CNTN1: variants seen among roughly 807,000 people sequenced by gnomAD.
CNTN1 encodes the protein contactin 1, also known as contactin-1.
Under a neutral mutation model 126.4 loss-of-function variants are expected in CNTN1, and 38 were observed. The observed-to-expected ratio is 0.30, with a 90% CI of 0.23 to 0.39. The LOEUF (loss-of-function observed/expected upper bound fraction) is 0.39, where lower values mean the gene tolerates loss of function less well. Among genes scored for constraint, CNTN1 ranks in the 10% least tolerant of loss-of-function variants. CNTN1 has a pLI of 1.00. For synonymous variants in CNTN1, 413 were observed against 422.6 expected (o/e 0.98, Z 0.28); for missense variants, 1,009 against 1,248.4 (o/e 0.81, Z 2.89).
intron 1 of CNTN1, among the ~76,000 whole-genome samples, chr12:40,788,758 A>G (rs1454232495): frequency 6.6e-6 from 1 of 152,062 alleles, no homozygotes; most frequent in African/African-American, 2.4e-5. Flanking sequence ...AAGTAAAGTG[A>G]CTGTTTAAAG....
intron 1 of CNTN1, among the ~76,000 whole-genome samples, chr12:40,760,563 C>G (rs1440936804): frequency 6.6e-6 from 1 of 151,690 alleles, no homozygotes; most frequent in Non-Finnish European, 1.5e-5. Context: ...AACTGCTGTT[C>G]GCAGTGTGGC....
chr12:40,924,047 T>C (rs1380122094), intron 5 of CNTN1, among the ~76,000 whole-genome samples: 2 of 152,166 alleles, frequency 1.3e-5, no homozygotes, highest in Non-Finnish European at 2.9e-5. Flanking sequence ...AACCCAGAAT[T>C]TGAGAAGGAG....
chr12:40,696,769 CTTA>C (rs933793309), intron 1 of CNTN1, among the ~76,000 whole-genome samples: 8 of 152,142 alleles, frequency 5.3e-5, no homozygotes, highest in Admixed American at 5.2e-4. Context: ...AAAATAATAT[CTTA>C]TTATTATAAG....
intron 1 of CNTN1, among the ~76,000 whole-genome samples, chr12:40,761,376 T>A (rs1477288959): frequency 1.3e-5 from 2 of 152,128 alleles, no homozygotes; most frequent in Non-Finnish European, 1.5e-5. Context: ...GATTTGTTCT[T>A]CTACCAATCT....
chr12:40,698,634 G>A (rs1273242231), intron 1 of CNTN1, among the ~76,000 whole-genome samples: 1 of 151,918 alleles, frequency 6.6e-6, no homozygotes, highest in East Asian at 1.9e-4. Context: ...CCTCATAGTC[G>A]CCTTCTTCTA....
At chr12:40,810,926 C>T (rs1047381354) in intron 1 of CNTN1, among the ~76,000 whole-genome samples, 1 of 152,120 alleles carries the variant, frequency 6.6e-6, no homozygotes, top group African/African-American at 2.4e-5. Flanking sequence ...TCACTTGACC[C>T]CAGAAGTTTG....
chr12:40,992,660 G>A (rs137875342), intron 16 of CNTN1, among the ~76,000 whole-genome samples: 1 of 152,098 alleles, frequency 6.6e-6, no homozygotes, highest in African/African-American at 2.4e-5. Context: ...CAAGTAAAAA[G>A]GATATAAACA....
chr12:41,057,582 A>G (rs1004309042), intron 23 of CNTN1, among the ~76,000 whole-genome samples: 80 of 152,068 alleles, frequency 5.3e-4, no homozygotes, highest in Admixed American at 5.2e-3. Flanking sequence ...TAAGCACTTT[A>G]GTGGATATTG....
chr12:40,842,704 G>A (rs1417928250), intron 1 of CNTN1, among the ~76,000 whole-genome samples: 1 of 152,014 alleles, frequency 6.6e-6, no homozygotes, highest in Non-Finnish European at 1.5e-5. Context: ...GTTCATCTTT[G>A]TATTCCTAGT....
intron 6 of CNTN1, among the ~76,000 whole-genome samples, chr12:40,928,789 A>G (rs1469851883): frequency 6.6e-6 from 1 of 151,954 alleles, no homozygotes; most frequent in Non-Finnish European, 1.5e-5. Flanking sequence ...GTGCTTTCAC[A>G]CTCTCTTTGA....
intron 17 of CNTN1, among the ~76,000 whole-genome samples, chr12:41,007,475 G>T (rs147577600): frequency 5.9e-5 from 9 of 152,270 alleles, no homozygotes; most frequent in South Asian, 2.1e-4. Flanking sequence ...GAAAACTTAG[G>T]ACATGGACTC....
intron 1 of CNTN1, among the ~76,000 whole-genome samples, chr12:40,771,310 G>A (rs1939327876): frequency 6.6e-6 from 1 of 151,994 alleles, no homozygotes; most frequent in Non-Finnish European, 1.5e-5. Flanking sequence ...ATATCAGTCT[G>A]TCATCCTGTA....
chr12:41,020,846 C>A (rs565366584), intron 20 of CNTN1, among the ~76,000 whole-genome samples: 1 of 152,234 alleles, frequency 6.6e-6, no homozygotes, highest in South Asian at 2.1e-4. Context: ...CGAAAAGTCC[C>A]TCCAAAGTAA....
chr12:40,775,767 G>A (rs1192293846), intron 1 of CNTN1, among the ~76,000 whole-genome samples: 19 of 151,484 alleles, frequency 1.3e-4, no homozygotes, highest in Admixed American at 1.1e-3. Context: ...TATAAATTAA[G>A]ACCTAAGTTA....
At chr12:40,769,725 T>C (rs1246426001) in intron 1 of CNTN1, among the ~76,000 whole-genome samples, 2 of 152,170 alleles carry the variant, frequency 1.3e-5, no homozygotes, top group East Asian at 1.9e-4. Flanking sequence ...ATTAGGGATT[T>C]TTTTTGGAGT....
At chr12:40,993,771 G>A (rs1948149752) in intron 17 of CNTN1, among the ~76,000 whole-genome samples, 1 of 152,006 alleles carries the variant, frequency 6.6e-6, no homozygotes, top group Non-Finnish European at 1.5e-5. Context: ...AAAATTTTAG[G>A]TTTGATATTA....
chr12:41,063,631 G>T (rs2121124274), intron 23 of CNTN1, among the ~76,000 whole-genome samples: 1 of 152,260 alleles, frequency 6.6e-6, no homozygotes, highest in Middle Eastern at 3.4e-3. Flanking sequence ...ACATGGCCCT[G>T]CTTCCTTGGC....
chr12:40,937,462 G>T (rs969538536), intron 10 of CNTN1, 108 bp from the exon 11 acceptor site: 10 of 768,192 alleles, frequency 1.3e-5, no homozygotes, highest in Admixed American at 5.6e-5. Flanking sequence ...AACAGTGGGG[G>T]CAGATGAACA....
chr12:40,835,567 T>G (rs183596213), intron 1 of CNTN1, among the ~76,000 whole-genome samples: 1 of 152,280 alleles, frequency 6.6e-6, no homozygotes, highest in African/African-American at 2.4e-5. Flanking sequence ...AAAGCCCATA[T>G]GCCATTATGC....
Sources: allele counts gnomAD v4.1 joint callset (sites outside exome capture counted in the v4.1 genomes callset), GRCh38; gene constraint gnomAD v4.1.1; transcripts MANE v1.5; gene names NCBI Gene and HGNC (gene_info 2026-07-23, HGNC 2026-07-21).